Variants in SNTG2 observed in about 807,000 individuals in gnomAD.
The protein encoded by SNTG2 is gamma-2-syntrophin.
Under a neutral mutation model 70.9 loss-of-function variants are expected in SNTG2, and 74 were observed. The observed-to-expected ratio is 1.04, with a 90% CI of 0.86 to 1.27. The LOEUF (loss-of-function observed/expected upper bound fraction) is 1.27, where lower values mean the gene tolerates loss of function less well. Among genes scored for constraint, SNTG2 ranks in the 50% most tolerant of loss-of-function variants. The pLI, the probability that SNTG2 is intolerant of heterozygous loss-of-function variation, is 0.00. For synonymous variants in SNTG2, 278 were observed against 273.8 expected (o/e 1.02, Z -0.15); for missense variants, 717 against 690.7 (o/e 1.04, Z -0.43).
intron 1 of SNTG2, among the ~76,000 whole-genome samples, chr2:955,273 G>T (rs1285783615): frequency 6.6e-6 from 1 of 152,210 alleles, no homozygotes; most frequent in Non-Finnish European, 1.5e-5. Context: ...TCAAGATTCT[G>T]AGTATCAACT....
chr2:1,102,291 C>G (rs1665829158), intron 4 of SNTG2, among the ~76,000 whole-genome samples: 1 of 152,168 alleles, frequency 6.6e-6, no homozygotes, highest in Admixed American at 6.5e-5. Context: ...AGGGTAGCTT[C>G]TCATTTAAGA....
chr2:1,157,240 C>T (rs1558468085), intron 6 of SNTG2, among the ~76,000 whole-genome samples: 1 of 152,186 alleles, frequency 6.6e-6, no homozygotes, highest in Non-Finnish European at 1.5e-5. Flanking sequence ...TCACTAGAGA[C>T]TTGGTAAGTT....
At chr2:994,682 T>C (rs951160323) in intron 1 of SNTG2, among the ~76,000 whole-genome samples, 5 of 152,046 alleles carry the variant, frequency 3.3e-5, no homozygotes, top group Non-Finnish European at 7.4e-5. Flanking sequence ...CTTCAATCCA[T>C]GAACATGGAC....
intron 15 of SNTG2, among the ~76,000 whole-genome samples, chr2:1,309,023 C>T (rs774204124): frequency 2.0e-5 from 3 of 152,224 alleles, no homozygotes; most frequent in Non-Finnish European, 4.4e-5. Context: ...ATTTCCACCC[C>T]ATCTGAGTAT....
intron 7 of SNTG2, among the ~76,000 whole-genome samples, chr2:1,167,658 A>G (rs28592932): frequency 1.4e-5 from 1 of 71,304 alleles, no homozygotes; most frequent in Non-Finnish European, 2.6e-5. Context: ...GAAGCCTAGA[A>G]GCCGCCCACA....
chr2:1,100,033 G>A (rs1665680538), intron 4 of SNTG2, among the ~76,000 whole-genome samples: 1 of 152,204 alleles, frequency 6.6e-6, no homozygotes, highest in Non-Finnish European at 1.5e-5. Context: ...AGCAGGTGCT[G>A]TTCAGAAGGA....
At chr2:1,043,409 C>T (rs1661554648) in intron 1 of SNTG2, among the ~76,000 whole-genome samples, 2 of 152,238 alleles carry the variant, frequency 1.3e-5, no homozygotes, top group Admixed American at 6.5e-5. Context: ...CCTGAAGACA[C>T]TCTTTAGCTT....
At chr2:1,175,399 A>G (rs1458538636) in intron 8 of SNTG2, among the ~76,000 whole-genome samples, 1 of 151,896 alleles carries the variant, frequency 6.6e-6, no homozygotes, top group Non-Finnish European at 1.5e-5. Context: ...AACTCACTCT[A>G]TTTTTTCCAT....
chr2:1,055,524 A>G (rs902653310), intron 1 of SNTG2, among the ~76,000 whole-genome samples: 3 of 152,166 alleles, frequency 2.0e-5, no homozygotes, highest in Admixed American at 6.5e-5. Context: ...CATGGACGTC[A>G]CTAGATCAGT....
intron 13 of SNTG2, among the ~76,000 whole-genome samples, chr2:1,264,555 G>C (rs893332082): frequency 3.3e-5 from 5 of 152,328 alleles, no homozygotes; most frequent in East Asian, 1.9e-4. Context: ...ATTGTTTGCT[G>C]TGCACCACAG....
intron 8 of SNTG2, among the ~76,000 whole-genome samples, chr2:1,188,368 T>C (rs1361080669): frequency 1.3e-5 from 2 of 148,422 alleles, no homozygotes; most frequent in African/African-American, 5.0e-5. Context: ...GAAGGTAGAG[T>C]TGAATATAAA....
At chr2:1,207,600 T>C (rs1339091566) in intron 8 of SNTG2, among the ~76,000 whole-genome samples, 1 of 152,060 alleles carries the variant, frequency 6.6e-6, no homozygotes, top group Admixed American at 6.6e-5. Context: ...GAAGGGGGCT[T>C]ATATATTAGC....
chr2:1,226,142 C>A (rs1027063954), intron 9 of SNTG2, among the ~76,000 whole-genome samples: 1 of 152,038 alleles, frequency 6.6e-6, no homozygotes, highest in Non-Finnish European at 1.5e-5. Context: ...GGTTTATAAC[C>A]ATTGATTTTG....
intron 6 of SNTG2, among the ~76,000 whole-genome samples, chr2:1,157,991 C>T (rs1009638163): frequency 6.6e-5 from 10 of 152,180 alleles, no homozygotes; most frequent in African/African-American, 1.7e-4. Context: ...TTACCTTGGC[C>T]GGCCGGCAGG....
intron 1 of SNTG2, among the ~76,000 whole-genome samples, chr2:1,008,884 G>C (rs1659644835): frequency 6.6e-6 from 1 of 152,120 alleles, no homozygotes; most frequent in Non-Finnish European, 1.5e-5. Flanking sequence ...AAAGGCCCTA[G>C]GTTACCTAAT....
chr2:1,124,611 A>G (rs1572503134), intron 4 of SNTG2, among the ~76,000 whole-genome samples: 1 of 152,106 alleles, frequency 6.6e-6, no homozygotes. Context: ...AGTCTTAAAG[A>G]AGGAGGAGGT....
At chr2:1,110,201 G>C (rs554762820) in intron 4 of SNTG2, among the ~76,000 whole-genome samples, 1 of 152,148 alleles carries the variant, frequency 6.6e-6, no homozygotes, top group East Asian at 1.9e-4. Context: ...TCCTGTCGTC[G>C]TCTAAAGTCA....
At chr2:1,159,169 G>A (rs1043977268) in intron 6 of SNTG2, among the ~76,000 whole-genome samples, 1 of 151,088 alleles carries the variant, frequency 6.6e-6, no homozygotes, top group Non-Finnish European at 1.5e-5. Flanking sequence ...GAGTGCATGA[G>A]TGCGTATGTG....
At chr2:1,122,722 C>CAAAAAAAAAAAAAAAAAAAAAAAAAAAA (rs60163290) in intron 4 of SNTG2, among the ~76,000 whole-genome samples, 1 of 121,942 alleles carries the variant, frequency 8.2e-6, no homozygotes, top group Non-Finnish European at 1.9e-5. Context: ...AGCAATCAGA[C>CAAAAAAAAAAAAAAAAAAAAAAAAAAAA]AAAAAAAAAA....
Sources: allele counts gnomAD v4.1 joint callset (sites outside exome capture counted in the v4.1 genomes callset), GRCh38; gene constraint gnomAD v4.1.1; transcripts MANE v1.5; gene names NCBI Gene and HGNC (gene_info 2026-07-23, HGNC 2026-07-21).